The following PUM1 variants were observed in gnomAD, a reference collection of about 807,000 sequenced individuals.
The protein encoded by PUM1 is pumilio RNA binding family member 1.
A neutral mutation model predicts 131.8 loss-of-function variants in PUM1; 13 were observed. The observed-to-expected ratio is 0.10, with a 90% CI of 0.06 to 0.16. PUM1 has a LOEUF of 0.16. Among genes scored for constraint, PUM1 ranks in the 10% least tolerant of loss-of-function variants. The pLI is 1.00. For missense variants in PUM1, 961 were observed against 1,512.4 expected, an observed-to-expected ratio of 0.64 and a Z score of 6.05; for synonymous variants, 509 against 556.5, an observed-to-expected ratio of 0.91 and a Z score of 1.20.
chr1:30,934,742 C>G (rs1639126974), intron 21 of PUM1, among the ~76,000 whole-genome samples: 1 of 152,120 alleles, frequency 6.6e-6, no homozygotes, highest in South Asian at 2.1e-4. Context: ...AACTGAAATC[C>G]AATCCATTCC....
At position 30,981,297 on chromosome 1, in the gene PUM1, G is replaced by A. The variant is rs549763926; in HGVS notation, c.1252+15C>T. ...CCACACCTATCATGAAAGAGCTATG[G>A]GCTTAAGGACTTACCGATGTGCGGC... On this transcript the variant is annotated intron_variant, in intron 8 of 21. Transcript: ENST00000426105. The A allele has an allele frequency of 1.3e-6, 2 of 1,535,144 alleles. No homozygotes were observed. The highest frequency in any genetic ancestry group is 1.8e-5 in the Admixed American group (1 of 54,822).
intron 14 of PUM1, among the ~76,000 whole-genome samples, chr1:30,960,188 C>G (rs1428395678): frequency 6.6e-6 from 1 of 152,184 alleles, no homozygotes; most frequent in African/African-American, 2.4e-5. Flanking sequence ...AGAAGTGTTT[C>G]AGATTTCAAA....
At chr1:31,008,511 AT>A (rs1354513636) in intron 3 of PUM1, among the ~76,000 whole-genome samples, 1 of 152,072 alleles carries the variant, frequency 6.6e-6, no homozygotes, top group Non-Finnish European at 1.5e-5. Flanking sequence ...CCCTAAGGGC[AT>A]TTGGGGGAGG....
chr1:31,003,719 T>G (rs1027551422), intron 5 of PUM1, among the ~76,000 whole-genome samples: 1 of 152,100 alleles, frequency 6.6e-6, no homozygotes, highest in Admixed American at 6.5e-5. Flanking sequence ...ATCATGCCAT[T>G]GCACTCCAGT....
In PUM1 at chr1:30,966,059, T is replaced by C. The variant is rs148143471; in HGVS notation, c.2009A>G (p.Asn670Ser). 1.3e-5 allele frequency: 21 copies of C among 1,614,084 alleles called. No homozygotes were observed. The highest frequency in any genetic ancestry group is 1.1e-4 in the African/African-American group (8 of 74,932). The change falls in exon 13 of 22, where the codon AAC becomes AGC. Residue 670 changes from asparagine to serine, a missense_variant. Asn to Ser is a conservative substitution (Grantham distance 46, BLOSUM62 1). Coordinates refer to ENST00000426105, the MANE Select transcript of PUM1 (RefSeq NM_001020658.2). ...LFSQGSAQPA[N>S]TSLGFGSSSS... ...GCTACTTCCGAATCCCAAGGATGTG[T>C]TGGCAGGCTGGGCAGAGCCCTGGGA...
At chr1:30,964,572 T>C in intron 14 of PUM1, 102 bp downstream of exon 14, 1 of 974,598 alleles carries the variant, frequency 1.0e-6, no homozygotes, top group East Asian at 2.4e-5. Flanking sequence ...AGGACACTTC[T>C]AGTATAAAGG....
chr1:31,045,769 T>G (rs1570345336), intron 2 of PUM1, among the ~76,000 whole-genome samples: 1 of 151,938 alleles, frequency 6.6e-6, no homozygotes, highest in East Asian at 1.9e-4. Context: ...GTAAAACCAT[T>G]AATAAGCTAT....
At chr1:31,012,552 T>TAAAA (rs10666570) in intron 3 of PUM1, among the ~76,000 whole-genome samples, 1 of 119,184 alleles carries the variant, frequency 8.4e-6, no homozygotes, top group Non-Finnish European at 1.7e-5. Flanking sequence ...TTATGAAAAG[T>TAAAA]AAAAAAAAAA....
At chr1:31,011,431 T>C (rs1642615877) in intron 3 of PUM1, among the ~76,000 whole-genome samples, 1 of 152,088 alleles carries the variant, frequency 6.6e-6, no homozygotes, top group Admixed American at 6.5e-5. Flanking sequence ...CAAAATCAAA[T>C]CAATTTAGAC....
chr1:30,994,485 C>G (rs1488307769), intron 6 of PUM1, among the ~76,000 whole-genome samples: 1 of 152,074 alleles, frequency 6.6e-6, no homozygotes, highest in Admixed American at 6.6e-5. Flanking sequence ...TAATCATGAC[C>G]AGAGATGGAA....
intron 17 of PUM1, among the ~76,000 whole-genome samples, chr1:30,945,787 T>C (rs1428040955): frequency 1.3e-5 from 2 of 152,166 alleles, no homozygotes; most frequent in African/African-American, 2.4e-5. Context: ...CTTTTGTGTT[T>C]TTATTTTATT....
chr1:30,973,661 T>C (rs1263375251), intron 10 of PUM1, among the ~76,000 whole-genome samples: 2 of 152,068 alleles, frequency 1.3e-5, no homozygotes, highest in Non-Finnish European at 2.9e-5. Context: ...GACACAATAA[T>C]GACAATTTTG....
intron 20 of PUM1, among the ~76,000 whole-genome samples, chr1:30,937,322 G>C (rs1639252060): frequency 6.6e-6 from 1 of 152,168 alleles, no homozygotes; most frequent in African/African-American, 2.4e-5. Context: ...ACCAAGGCCA[G>C]GAACAAACCT....
chr1:31,048,281 A>T lies in PUM1; in HGVS notation c.363+10923T>A, dbSNP rs547672535. 1.5e-4 allele frequency among the ~76,000 whole-genome samples: 23 copies of T among 151,386 alleles called. 1 individual carries two copies. The South Asian group carries it at 4.8e-3, about 32-fold the overall frequency. On this transcript the variant is annotated intron_variant, in intron 2 of 21. Transcript: ENST00000426105. ...AAAATAAAAAATAAAAAAAAGAAATAAAAAAAATCTTATTACTTTACAGTT... is the reference window on the plus strand; with the variant it reads ...AAAATAAAAAATAAAAAAAAGAAATTAAAAAAATCTTATTACTTTACAGTT...
At chr1:31,018,876 A>C (rs1481711096) in intron 3 of PUM1, among the ~76,000 whole-genome samples, 1 of 152,174 alleles carries the variant, frequency 6.6e-6, no homozygotes, top group Non-Finnish European at 1.5e-5. Context: ...AGAAAAAGAA[A>C]ATTCAAAAAT....
At chr1:30,986,668 T>C (rs1198372884) in intron 7 of PUM1, among the ~76,000 whole-genome samples, 1 of 152,212 alleles carries the variant, frequency 6.6e-6, no homozygotes, top group Non-Finnish European at 1.5e-5. Context: ...ATCCCTTCAC[T>C]AAGTATTATT....
chr1:31,055,434 G>T (rs1644214726), intron 2 of PUM1: 1 of 456,082 alleles, frequency 2.2e-6, no homozygotes, highest in African/African-American at 2.0e-5. Context: ...GTTCAGTCCA[G>T]AAGGTGAGAA....
chr1:30,969,096 G>T (rs1388752956), intron 10 of PUM1, among the ~76,000 whole-genome samples: 1 of 152,080 alleles, frequency 6.6e-6, no homozygotes, highest in African/African-American at 2.4e-5. Flanking sequence ...CAGAGGTCAG[G>T]AGTTCGAGAC....
intron 3 of PUM1, among the ~76,000 whole-genome samples, chr1:31,021,181 T>G (rs1031982001): frequency 6.6e-6 from 1 of 152,228 alleles, no homozygotes. Flanking sequence ...GCTGATTTAT[T>G]GTTTGTCTTC....
Sources: allele counts gnomAD v4.1 joint callset (sites outside exome capture counted in the v4.1 genomes callset), GRCh38; gene constraint gnomAD v4.1.1; transcripts MANE v1.5; gene names NCBI Gene and HGNC (gene_info 2026-07-23, HGNC 2026-07-21).